The following KCNIP4 variants were observed in gnomAD, a reference collection of about 807,000 sequenced individuals.
The protein encoded by KCNIP4 is potassium voltage-gated channel interacting protein 4, also known as Kv channel-interacting protein 4.
In KCNIP4, 12 loss-of-function variants were observed where a neutral mutation model predicts 34.0. The observed-to-expected ratio is 0.35, with a 90% CI of 0.23 to 0.57. The LOEUF is 0.57. Ranked by LOEUF, KCNIP4 falls within the 20% of genes least tolerant of loss-of-function variation. KCNIP4 has a pLI of 0.83. For missense variants in KCNIP4, 238 were observed against 311.7 expected, an observed-to-expected ratio of 0.76 and a Z score of 1.78; for synonymous variants, 124 against 102.2, an observed-to-expected ratio of 1.21 and a Z score of -1.29.
intron 1 of KCNIP4, among the ~76,000 whole-genome samples, chr4:21,396,903 A>C (rs911229855): frequency 6.6e-6 from 1 of 152,318 alleles, no homozygotes; most frequent in East Asian, 1.9e-4. Flanking sequence ...AATGAATTCA[A>C]ATTTCTGGTG....
At chr4:21,932,513 G>A (rs1187693579) in intron 1 of KCNIP4, among the ~76,000 whole-genome samples, 2 of 151,980 alleles carry the variant, frequency 1.3e-5, no homozygotes, top group Admixed American at 6.6e-5. Flanking sequence ...GTTCTTTGCC[G>A]CTCACTGGTT....
chr4:21,815,438 T>C (rs1412676390), intron 1 of KCNIP4, among the ~76,000 whole-genome samples: 1 of 152,118 alleles, frequency 6.6e-6, no homozygotes, highest in Non-Finnish European at 1.5e-5. Context: ...ACCACCATCA[T>C]CACTCTTAGT....
intron 1 of KCNIP4, among the ~76,000 whole-genome samples, chr4:21,724,501 C>A (rs1293555783): frequency 2.0e-5 from 3 of 151,560 alleles, no homozygotes; most frequent in Non-Finnish European, 2.9e-5. Flanking sequence ...AATATTTCTG[C>A]ATGTTGCTTG....
chr4:21,838,057 A>G (rs2109316202), intron 1 of KCNIP4, among the ~76,000 whole-genome samples: 1 of 152,340 alleles, frequency 6.6e-6, no homozygotes, highest in Non-Finnish European at 1.5e-5. Flanking sequence ...TATTAAATAT[A>G]AAACTTAAGG....
rs35062040 is a variant in KCNIP4, at chr4:21,933,052, G to GAAA, written c.61+15516_61+15518dup. Among the ~76,000 whole-genome samples the GAAA allele has an allele frequency of 3.0e-3, 302 of 100,006 alleles. 3 individuals are homozygous for GAAA. The highest frequency in any genetic ancestry group is 5.5e-3 in the Middle Eastern group (1 of 182). 65.6% of individuals were successfully genotyped at this position (100,006 alleles called of 152,430 possible). The stretch of plus-strand genomic sequence containing the variant: ...GCAAAGCAGAAAAGAAAAGGTAAAC[G>GAAA]AAAAAAAAAAAAAAACAGAACACCA... On this transcript the variant is annotated intron_variant, in intron 1 of 8. Coordinates refer to ENST00000382152, the MANE Select transcript of KCNIP4 (RefSeq NM_025221.6).
intron 1 of KCNIP4, among the ~76,000 whole-genome samples, chr4:21,707,598 ATTG>A (rs1713385811): frequency 6.6e-6 from 1 of 152,070 alleles, no homozygotes; most frequent in Non-Finnish European, 1.5e-5. Context: ...TGAAGTCCTC[ATTG>A]TTGTTGTTAC....
chr4:21,233,305 G>T (rs1196404664), intron 1 of KCNIP4, among the ~76,000 whole-genome samples: 5 of 152,072 alleles, frequency 3.3e-5, no homozygotes, highest in African/African-American at 1.2e-4. Context: ...GTATGTCCAA[G>T]GGGGGAGGCC....
chr4:20,918,688 C>T (rs1729090547), intron 1 of KCNIP4, among the ~76,000 whole-genome samples: 1 of 152,176 alleles, frequency 6.6e-6, no homozygotes. Context: ...TCTCACCCTG[C>T]CCTCTTCTCC....
chr4:21,490,572 A>G (rs554129086), intron 1 of KCNIP4, among the ~76,000 whole-genome samples: 1 of 152,336 alleles, frequency 6.6e-6, no homozygotes, highest in East Asian at 1.9e-4. Flanking sequence ...ATATGAACTC[A>G]TTTAGGAAAT....
chr4:21,546,539 C>A (rs1016650456), intron 1 of KCNIP4, among the ~76,000 whole-genome samples: 2 of 152,064 alleles, frequency 1.3e-5, no homozygotes, highest in African/African-American at 4.8e-5. Flanking sequence ...CTAATGTATG[C>A]TTTCTAGGAG....
intron 1 of KCNIP4, among the ~76,000 whole-genome samples, chr4:21,289,375 A>G (rs1252979821): frequency 6.6e-6 from 1 of 152,164 alleles, no homozygotes. Context: ...TGTGCTATCA[A>G]ACACTAGATT....
intron 1 of KCNIP4, chr4:21,613,223 G>A (rs1202257354): frequency 6.6e-6 from 1 of 152,128 alleles, no homozygotes; most frequent in Non-Finnish European, 1.5e-5. Context: ...ATTCAATAGG[G>A]CTGATATGTG....
chr4:21,812,307 G>A (rs1021101595), intron 1 of KCNIP4, among the ~76,000 whole-genome samples: 1 of 152,008 alleles, frequency 6.6e-6, no homozygotes, highest in Non-Finnish European at 1.5e-5. Context: ...AACAAATATT[G>A]CTCTTTTATA....
At chr4:21,442,226 G>A (rs191457556) in intron 1 of KCNIP4, among the ~76,000 whole-genome samples, 6 of 152,052 alleles carry the variant, frequency 3.9e-5, no homozygotes, top group East Asian at 1.9e-4. Flanking sequence ...GCAGAGATTC[G>A]CCAGGAGGAA....
At chr4:21,139,678 G>A (rs781105081) in intron 1 of KCNIP4, among the ~76,000 whole-genome samples, 6 of 152,166 alleles carry the variant, frequency 3.9e-5, no homozygotes, top group Non-Finnish European at 7.3e-5. Context: ...GGAATTGGCT[G>A]AGGCTTTCTT....
At chr4:21,093,025 T>C (rs532271332) in intron 1 of KCNIP4, among the ~76,000 whole-genome samples, 43 of 152,336 alleles carry the variant, frequency 2.8e-4, no homozygotes, top group African/African-American at 1.0e-3. Context: ...GACAGTGCTA[T>C]ACATAAAGAT....
At chr4:21,850,135 A>T (rs77702984) in intron 1 of KCNIP4, 1 of 151,240 alleles carries the variant, frequency 6.6e-6, no homozygotes. Flanking sequence ...TAAAAAAAAA[A>T]TTTAAGGACA....
chr4:21,166,126 G>GT (rs749907377), intron 1 of KCNIP4, among the ~76,000 whole-genome samples: 6 of 152,258 alleles, frequency 3.9e-5, no homozygotes, highest in East Asian at 1.9e-4. Flanking sequence ...CCAGTCTAAG[G>GT]TTTTTTGTTA....
chr4:21,086,017 C>T (rs530487066), intron 1 of KCNIP4, among the ~76,000 whole-genome samples: 25 of 152,164 alleles, frequency 1.6e-4, no homozygotes, highest in Non-Finnish European at 3.1e-4. Context: ...ATTTCCTCTG[C>T]TCCCTCACTG....
Sources: gnomAD v4.1 joint callset for allele counts (sites outside exome capture counted in the v4.1 genomes callset) on GRCh38, gnomAD v4.1.1 for gene constraint, MANE v1.5 for transcripts, NCBI Gene and HGNC (gene_info 2026-07-23, HGNC 2026-07-21) for gene names.